Variants in ADGB observed in about 807,000 individuals in gnomAD.
The protein encoded by ADGB is calpain-7-like protein.
Under a neutral mutation model 210.5 loss-of-function variants are expected in ADGB, and 172 were observed. That is an observed-to-expected ratio of 0.82 (90% CI 0.72 to 0.93). ADGB has a LOEUF of 0.93. Among genes scored for constraint, ADGB ranks in the 40% least tolerant of loss-of-function variants. The probability of loss-of-function intolerance (pLI) is 0.00; values close to 1 mark genes in which losing one functional copy is unlikely to be tolerated. For synonymous variants in ADGB, 658 were observed against 662.7 expected (o/e 0.99, Z 0.11); for missense variants, 2,025 against 1,964.8 (o/e 1.03, Z -0.58).
intron 35 of ADGB, chr6:146,807,964 G>A (rs1187274671): frequency 1.4e-5 from 2 of 140,950 alleles, no homozygotes; most frequent in African/African-American, 5.3e-5. Context: ...AACTTTAAAA[G>A]TTTAAAAATA....
At chr6:146,777,016 C>A (rs1294303887) in intron 29 of ADGB, among the ~76,000 whole-genome samples, 2 of 151,940 alleles carry the variant, frequency 1.3e-5, no homozygotes, top group African/African-American at 4.8e-5. Context: ...GCAGAAGGGA[C>A]AGTTTCCACT....
chr6:146,674,444 C>A (rs528158988), intron 8 of ADGB, among the ~76,000 whole-genome samples: 1 of 152,162 alleles, frequency 6.6e-6, no homozygotes, highest in Middle Eastern at 3.4e-3. Flanking sequence ...AAGTTCCACA[C>A]CCCAGCTATA....
At chr6:146,769,592 A>T (rs1246829092) in intron 29 of ADGB, among the ~76,000 whole-genome samples, 1 of 152,188 alleles carries the variant, frequency 6.6e-6, no homozygotes, top group Admixed American at 6.5e-5. Context: ...AAACTACTCT[A>T]GTATTCCTGG....
chr6:146,763,915 C>A lies in ADGB; in HGVS notation c.3565C>A (p.Leu1189Ile), dbSNP rs925757431. Residue 1189 changes from leucine (L) to isoleucine (I), a missense_variant, in exon 28 of 36, where the codon CTT becomes ATT. By Grantham distance (5) the Leu-to-Ile change is conservative. Transcript: ENST00000397944. ...CTCCTATTCAGCTAGCAAGCACATT[C>A]TTTCATTTCACTCTGCATCCAAGAA... ...GLSSQSSKHI[L>I]SFHSASKKEQ... is the part of the protein sequence containing the mutation. 6 of 1,550,542 alleles carry A rather than the reference C, an allele frequency of 3.9e-6. No homozygotes were observed. In the Admixed American group the frequency reaches 1.2e-4, roughly 31 times the overall value.
At chr6:146,699,328 G>A (rs1776454629) in intron 12 of ADGB, among the ~76,000 whole-genome samples, 1 of 152,144 alleles carries the variant, frequency 6.6e-6, no homozygotes, top group South Asian at 2.1e-4. Flanking sequence ...TCAGTCTGAA[G>A]ACAAAGGTAA....
At chr6:146,610,927 A>AGTG (rs1780699313) in intron 1 of ADGB, among the ~76,000 whole-genome samples, 1 of 152,028 alleles carries the variant, frequency 6.6e-6, no homozygotes, top group Admixed American at 6.5e-5. Flanking sequence ...TGGACAGGCC[A>AGTG]GTGGTGGGGT....
At chr6:146,673,077 G>C (rs1776038508) in intron 8 of ADGB, among the ~76,000 whole-genome samples, 1 of 152,126 alleles carries the variant, frequency 6.6e-6, no homozygotes, top group Non-Finnish European at 1.5e-5. Context: ...CCCAAGCTAA[G>C]CTAAGCTGTC....
At chr6:146,687,829 A>C (rs1776253548) in intron 10 of ADGB, among the ~76,000 whole-genome samples, 1 of 152,138 alleles carries the variant, frequency 6.6e-6, no homozygotes, top group Non-Finnish European at 1.5e-5. Context: ...CCATAGTCTC[A>C]TGTCTGAGAA....
chr6:146,642,118 C>G (rs912445783), intron 2 of ADGB, among the ~76,000 whole-genome samples: 4 of 151,838 alleles, frequency 2.6e-5, no homozygotes, highest in Admixed American at 2.0e-4. Context: ...ATGAACTTCT[C>G]AAAAGAAGTC....
At position 146,692,858 on chromosome 6, in the gene ADGB, A is replaced by G. The variant is rs996048222; in HGVS notation, c.1520A>G (p.Glu507Gly). Residue 507 changes from glutamate (E) to glycine (G), a missense_variant, in exon 12 of 36, where the codon GAG becomes GGG. Coordinates refer to ENST00000397944, the MANE Select transcript of ADGB (RefSeq NM_024694.4). Reference protein sequence around the residue: ...LIVKKPERFLEISSPFLNYRM... With the variant: ...LIVKKPERFLGISSPFLNYRM... Reference sequence around the variant, plus strand: ...GTAAAGAAGCCTGAACGGTTCCTTGAGATTTCAAGTCCATTTTTGAATTAT... The same window carrying G: ...GTAAAGAAGCCTGAACGGTTCCTTGGGATTTCAAGTCCATTTTTGAATTAT... 4 of 1,541,494 alleles carry G rather than the reference A, an allele frequency of 2.6e-6. No individual in the cohort carries two copies. Among genetic ancestry groups the G allele is most frequent in the African/African-American group, 1.4e-5 (1 of 72,678 alleles).
intron 35 of ADGB, among the ~76,000 whole-genome samples, chr6:146,810,336 C>T (rs1430792792): frequency 1.3e-5 from 2 of 152,110 alleles, no homozygotes; most frequent in African/African-American, 4.8e-5. Flanking sequence ...AAAGGGAACC[C>T]TGTACACACT....
chr6:146,635,292 A>G (rs539569087), intron 1 of ADGB, 83 bp from the exon 2 acceptor site: 73 of 1,246,450 alleles, frequency 5.9e-5, no homozygotes, highest in Non-Finnish European at 7.1e-5. Context: ...TGAGAAGACA[A>G]ATTTATGTTA....
chr6:146,762,254 A>G (rs937698041), intron 27 of ADGB, among the ~76,000 whole-genome samples: 2 of 151,936 alleles, frequency 1.3e-5, no homozygotes, highest in Non-Finnish European at 2.9e-5. Context: ...AATCATTTCT[A>G]TTGCTTGTAT....
intron 33 of ADGB, among the ~76,000 whole-genome samples, chr6:146,800,949 A>G (rs1778121659): frequency 6.6e-6 from 1 of 151,972 alleles, no homozygotes; most frequent in South Asian, 2.1e-4. Context: ...TAAATTTTTC[A>G]TTTTTGTCAT....
At chr6:146,745,807 T>C in intron 25 of ADGB, 115 bp from the exon 26 acceptor site, 1 of 711,792 alleles carries the variant, frequency 1.4e-6, no homozygotes, top group Non-Finnish European at 2.1e-6. Context: ...TATTAAGAGA[T>C]CTTGGGACCT....
chr6:146,795,216 T>A (rs1428278494), intron 33 of ADGB, among the ~76,000 whole-genome samples: 1 of 152,058 alleles, frequency 6.6e-6, no homozygotes, highest in Non-Finnish European at 1.5e-5. Flanking sequence ...GTAACTGCAA[T>A]GTAGTATATC....
chr6:146,790,043 T>A (rs936072279), intron 33 of ADGB, among the ~76,000 whole-genome samples: 2 of 152,230 alleles, frequency 1.3e-5, no homozygotes, highest in African/African-American at 4.8e-5. Context: ...TAATCCTTTT[T>A]GAAATTTCAT....
rs1371648708 is a variant in ADGB at position 146,764,047 on chromosome 6, G to A, written c.3697G>A (p.Glu1233Lys). Residue 1233 changes from glutamate (E) to lysine (K), a missense_variant, in exon 28 of 36, where the codon GAG becomes AAG. By Grantham distance (56) the Glu-to-Lys change is moderately conservative. Transcript: ENST00000397944. ...AGACATTGGTCTACCCCTTGTGGAGGAGGAAACTACCAGTACACCCACTAG... is the reference window on the plus strand; with the variant it reads ...AGACATTGGTCTACCCCTTGTGGAGAAGGAAACTACCAGTACACCCACTAG... ...IQDIGLPLVE[E>K]ETTSTPTRED... The A allele has an allele frequency of 1.3e-6, 2 of 1,551,266 alleles. No individual in the cohort carries two copies. The highest frequency in any genetic ancestry group is 1.7e-6 in the Non-Finnish European group (2 of 1,146,812).
intron 35 of ADGB, among the ~76,000 whole-genome samples, chr6:146,812,827 G>A (rs1439401782): frequency 5.3e-5 from 8 of 152,298 alleles, no homozygotes; most frequent in Non-Finnish European, 7.4e-5. Flanking sequence ...ACTTAACTGG[G>A]AACAACTTGG....
Sources: gnomAD v4.1 joint callset for allele counts (sites outside exome capture counted in the v4.1 genomes callset) on GRCh38, gnomAD v4.1.1 for gene constraint, MANE v1.5 for transcripts, NCBI Gene and HGNC (gene_info 2026-07-23, HGNC 2026-07-21) for gene names.